BTBD9: variants seen among roughly 807,000 people sequenced by gnomAD.
The protein encoded by BTBD9 is BTB domain containing 9.
A neutral mutation model predicts 64.3 loss-of-function variants in BTBD9; 49 were observed. The observed-to-expected ratio is 0.76, with a 90% CI of 0.61 to 0.97. BTBD9 has a LOEUF of 0.97. Among genes scored for constraint, BTBD9 ranks in the 50% least tolerant of loss-of-function variants. BTBD9 has a pLI of 0.00. For missense variants in BTBD9, 598 were observed against 762.1 expected (o/e 0.78, Z 2.53); for synonymous variants, 260 against 274.7 (o/e 0.95, Z 0.53).
At chr6:38,416,076 A>G (rs1001409271) in intron 6 of BTBD9, among the ~76,000 whole-genome samples, 1 of 152,206 alleles carries the variant, frequency 6.6e-6, no homozygotes, top group African/African-American at 2.4e-5. Flanking sequence ...TACACTTAAC[A>G]GAATTCCATA....
chr6:38,398,465 G>A (rs1766786607), intron 6 of BTBD9, among the ~76,000 whole-genome samples: 1 of 152,150 alleles, frequency 6.6e-6, no homozygotes, highest in African/African-American at 2.4e-5. Context: ...TGGGAAGGAG[G>A]AAGTAAATAC....
chr6:38,527,995 A>T (rs1211509408), intron 6 of BTBD9, among the ~76,000 whole-genome samples: 1 of 152,174 alleles, frequency 6.6e-6, no homozygotes, highest in Admixed American at 6.5e-5. Context: ...TATTATATTA[A>T]GGAAAGAGGC....
intron 1 of BTBD9, among the ~76,000 whole-genome samples, chr6:38,612,193 G>T (rs1562419287): frequency 6.6e-6 from 1 of 152,188 alleles, no homozygotes; most frequent in Non-Finnish European, 1.5e-5. Flanking sequence ...TAGTTTGTTA[G>T]TTTAGTTATA....
intron 6 of BTBD9, among the ~76,000 whole-genome samples, chr6:38,432,918 T>C (rs1007085030): frequency 6.6e-6 from 1 of 152,040 alleles, no homozygotes; most frequent in African/African-American, 2.4e-5. Context: ...TCTACTGCAA[T>C]AGCACAGTCT....
At chr6:38,358,701 T>G (rs1764827369) in intron 6 of BTBD9, among the ~76,000 whole-genome samples, 1 of 152,184 alleles carries the variant, frequency 6.6e-6, no homozygotes, top group Non-Finnish European at 1.5e-5. Context: ...TTTGTTTGCT[T>G]TCCTGAGTCA....
intron 6 of BTBD9, among the ~76,000 whole-genome samples, chr6:38,401,491 T>A (rs1309778399): frequency 6.6e-6 from 1 of 152,210 alleles, no homozygotes; most frequent in Admixed American, 6.5e-5. Context: ...GGCTCTATAA[T>A]GGCTCAAACA....
chr6:38,600,424 TTTTG>T (rs1485673427), intron 1 of BTBD9, among the ~76,000 whole-genome samples: 1 of 152,248 alleles, frequency 6.6e-6, no homozygotes, highest in Non-Finnish European at 1.5e-5. Context: ...CTGGGAGTTT[TTTTG>T]TTTGTTTGTT....
At chr6:38,462,656 A>T (rs1582469065) in intron 6 of BTBD9, among the ~76,000 whole-genome samples, 2 of 152,080 alleles carry the variant, frequency 1.3e-5, no homozygotes, top group East Asian at 3.8e-4. Context: ...TAAGCTTGTC[A>T]TTTTCTTCAA....
At chr6:38,318,693 T>C (rs754443881) in intron 7 of BTBD9, among the ~76,000 whole-genome samples, 8 of 152,222 alleles carry the variant, frequency 5.3e-5, no homozygotes, top group South Asian at 2.1e-4. Context: ...GCCACCACTA[T>C]TGGGGCTGTG....
intron 7 of BTBD9, among the ~76,000 whole-genome samples, chr6:38,293,719 AAGAAAACCTAG>A (rs1264013481): frequency 6.6e-6 from 1 of 152,234 alleles, no homozygotes; most frequent in East Asian, 1.9e-4. Context: ...AAAACTCTAG[AAGAAAACCTAG>A]AGGCAGTACC....
intron 6 of BTBD9, among the ~76,000 whole-genome samples, chr6:38,560,967 T>C (rs2127456520): frequency 6.6e-6 from 1 of 152,376 alleles, no homozygotes; most frequent in South Asian, 2.1e-4. Context: ...CCACATTTTC[T>C]TTATCCAGTC....
intron 4 of BTBD9, among the ~76,000 whole-genome samples, chr6:38,584,371 A>G (rs1042014036): frequency 2.0e-5 from 3 of 152,194 alleles, no homozygotes; most frequent in Admixed American, 1.3e-4. Flanking sequence ...GTAGATAATC[A>G]TAATTTTTTA....
chr6:38,473,154 T>C (rs1364444587), intron 6 of BTBD9, among the ~76,000 whole-genome samples: 3 of 152,196 alleles, frequency 2.0e-5, no homozygotes, highest in Non-Finnish European at 4.4e-5. Context: ...CAGAATGCCA[T>C]GTCTTCAAGT....
chr6:38,635,828 AGTTT>A (rs2127536735), intron 1 of BTBD9, among the ~76,000 whole-genome samples: 1 of 152,266 alleles, frequency 6.6e-6, no homozygotes, highest in Non-Finnish European at 1.5e-5. Flanking sequence ...TTCTTGTCTT[AGTTT>A]GTTTTGTGCT....
At chr6:38,479,239 C>G (rs1252912035) in intron 6 of BTBD9, among the ~76,000 whole-genome samples, 1 of 152,134 alleles carries the variant, frequency 6.6e-6, no homozygotes, top group East Asian at 1.9e-4. Flanking sequence ...TTCAGACACA[C>G]AACCCCTCCA....
intron 10 of BTBD9, among the ~76,000 whole-genome samples, chr6:38,178,956 G>A (rs1459794117): frequency 1.3e-5 from 2 of 152,052 alleles, no homozygotes; most frequent in African/African-American, 2.4e-5. Flanking sequence ...AGGTTCAAGC[G>A]ATTCTCCTGC....
chr6:38,520,139 A>G (rs533819433), intron 6 of BTBD9, among the ~76,000 whole-genome samples: 25 of 152,304 alleles, frequency 1.6e-4, no homozygotes, highest in African/African-American at 6.0e-4. Flanking sequence ...ACTGACAGAA[A>G]AAAAAAATCA....
intron 6 of BTBD9, among the ~76,000 whole-genome samples, chr6:38,475,039 A>G (rs1770817040): frequency 6.6e-6 from 1 of 152,208 alleles, no homozygotes; most frequent in Non-Finnish European, 1.5e-5. Flanking sequence ...AACACTATAC[A>G]CCCCTCGAAA....
At chr6:38,463,287 T>C (rs1044749840) in intron 6 of BTBD9, among the ~76,000 whole-genome samples, 2 of 152,244 alleles carry the variant, frequency 1.3e-5, no homozygotes, top group East Asian at 1.9e-4. Flanking sequence ...GTGGATTCCA[T>C]TGGATTTTCT....
Sources: gnomAD v4.1 joint callset for allele counts (sites outside exome capture counted in the v4.1 genomes callset) on GRCh38, gnomAD v4.1.1 for gene constraint, MANE v1.5 for transcripts, NCBI Gene and HGNC (gene_info 2026-07-23, HGNC 2026-07-21) for gene names.